The following CNTNAP2 variants were observed in gnomAD, a reference collection of about 807,000 sequenced individuals.
CNTNAP2 encodes contactin-associated protein-like 2.
Under a neutral mutation model 155.2 loss-of-function variants are expected in CNTNAP2, and 98 were observed. The observed-to-expected ratio is 0.63, with a 90% CI of 0.54 to 0.75. The LOEUF is 0.75. CNTNAP2 is among the 30% of genes least tolerant of loss of function. The pLI is 0.00. For synonymous variants in CNTNAP2, 651 were observed against 631.2 expected, an observed-to-expected ratio of 1.03 and a Z score of -0.47; for missense variants, 1,727 against 1,688.1, an observed-to-expected ratio of 1.02 and a Z score of -0.40.
At chr7:147,486,194 A>T (rs542084406) in intron 11 of CNTNAP2, among the ~76,000 whole-genome samples, 153 bp downstream of exon 11, 14 of 152,300 alleles carry the variant, frequency 9.2e-5, no homozygotes, top group Admixed American at 3.9e-4. Context: ...TCCAAAAAAA[A>T]AAAAATAAAA....
At chr7:146,933,996 G>C (rs1038662062) in intron 3 of CNTNAP2, among the ~76,000 whole-genome samples, 14 of 152,108 alleles carry the variant, frequency 9.2e-5, no homozygotes, top group Non-Finnish European at 1.8e-4. Context: ...GTGGGTGGGA[G>C]TGTAAACTAG....
At chr7:146,689,217 C>T (rs1005301232) in intron 1 of CNTNAP2, among the ~76,000 whole-genome samples, 1 of 151,928 alleles carries the variant, frequency 6.6e-6, no homozygotes, top group African/African-American at 2.4e-5. Context: ...TTTGGCTAAT[C>T]CTTAGTTTCT....
intron 3 of CNTNAP2, among the ~76,000 whole-genome samples, chr7:146,941,477 A>C (rs879708676): frequency 4.6e-5 from 7 of 152,138 alleles, no homozygotes; most frequent in Non-Finnish European, 8.8e-5. Context: ...TTACTAATTT[A>C]ATAGTTTTGT....
At chr7:146,658,806 C>T (rs573974001) in intron 1 of CNTNAP2, among the ~76,000 whole-genome samples, 13 of 152,256 alleles carry the variant, frequency 8.5e-5, no homozygotes, top group African/African-American at 2.9e-4. Context: ...GTAGTTCTTA[C>T]GTCAGGGTAC....
At chr7:146,983,791 T>G (rs1429883838) in intron 3 of CNTNAP2, among the ~76,000 whole-genome samples, 1 of 152,134 alleles carries the variant, frequency 6.6e-6, no homozygotes, top group Non-Finnish European at 1.5e-5. Flanking sequence ...TTTGTCACCA[T>G]CAGAAGGGCT....
chr7:146,553,819 C>A (rs1453536236), intron 1 of CNTNAP2, among the ~76,000 whole-genome samples: 1 of 152,040 alleles, frequency 6.6e-6, no homozygotes, highest in Non-Finnish European at 1.5e-5. Flanking sequence ...GCTCTTCTCA[C>A]TTCCATAATA....
chr7:147,640,172 A>C (rs1183029699), intron 13 of CNTNAP2, among the ~76,000 whole-genome samples: 3 of 152,142 alleles, frequency 2.0e-5, no homozygotes, highest in African/African-American at 7.2e-5. Context: ...TGATATATAT[A>C]TATATATAGT....
chr7:147,006,959 G>C (rs1798537405), intron 3 of CNTNAP2, among the ~76,000 whole-genome samples: 1 of 152,098 alleles, frequency 6.6e-6, no homozygotes, highest in African/African-American at 2.4e-5. Flanking sequence ...TGCATTGACT[G>C]ACACTGGGGA....
intron 15 of CNTNAP2, among the ~76,000 whole-genome samples, chr7:148,076,521 G>A (rs1167796610): frequency 4.4e-5 from 6 of 136,096 alleles, no homozygotes; most frequent in South Asian, 2.4e-4. Context: ...CTGCAGGCTC[G>A]ATCTCCCAGG....
At chr7:146,158,185 A>C (rs1404190929) in intron 1 of CNTNAP2, among the ~76,000 whole-genome samples, 3 of 152,240 alleles carry the variant, frequency 2.0e-5, no homozygotes, top group Non-Finnish European at 4.4e-5. Context: ...TGACTGTTAG[A>C]AAGAAAAGTA....
At chr7:147,592,313 T>G (rs762054247) in intron 12 of CNTNAP2, among the ~76,000 whole-genome samples, 1 of 152,164 alleles carries the variant, frequency 6.6e-6, no homozygotes, top group Non-Finnish European at 1.5e-5. Context: ...CAATATAGTT[T>G]AAAAATAAAC....
chr7:146,877,823 C>T (rs1403870036), intron 3 of CNTNAP2, among the ~76,000 whole-genome samples: 1 of 151,900 alleles, frequency 6.6e-6, no homozygotes, highest in Non-Finnish European at 1.5e-5. Flanking sequence ...ATAGGAGATT[C>T]TCAGTTCATT....
intron 9 of CNTNAP2, among the ~76,000 whole-genome samples, chr7:147,371,771 A>G (rs896951419): frequency 1.3e-5 from 2 of 152,162 alleles, no homozygotes; most frequent in African/African-American, 4.8e-5. Context: ...TTATGTGTAC[A>G]TGCACTATGT....
intron 1 of CNTNAP2, among the ~76,000 whole-genome samples, chr7:146,134,377 C>G (rs1429357286): frequency 6.9e-6 from 1 of 144,904 alleles, no homozygotes; most frequent in Non-Finnish European, 1.5e-5. Context: ...TTGACTTCCT[C>G]TTTTCCTAAT....
chr7:148,073,124 A>G (rs1194737557), intron 15 of CNTNAP2, among the ~76,000 whole-genome samples: 1 of 152,188 alleles, frequency 6.6e-6, no homozygotes, highest in Non-Finnish European at 1.5e-5. Context: ...TTGACAAATG[A>G]CCTTTGGGGA....
chr7:146,980,295 A>G (rs1248745734), intron 3 of CNTNAP2, among the ~76,000 whole-genome samples: 1 of 152,198 alleles, frequency 6.6e-6, no homozygotes, highest in Non-Finnish European at 1.5e-5. Context: ...TAATGCTATG[A>G]AAAAGCTAAT....
At chr7:147,760,554 T>C (rs182408340) in intron 13 of CNTNAP2, among the ~76,000 whole-genome samples, 6 of 152,334 alleles carry the variant, frequency 3.9e-5, no homozygotes, top group South Asian at 2.1e-4. Flanking sequence ...AGAACATTAA[T>C]AAATCATTGT....
chr7:147,849,622 A>G (rs1433949535), intron 13 of CNTNAP2, among the ~76,000 whole-genome samples: 1 of 152,200 alleles, frequency 6.6e-6, no homozygotes, highest in Non-Finnish European at 1.5e-5. Flanking sequence ...GAAACATGCA[A>G]AGAAACCTCT....
intron 11 of CNTNAP2, among the ~76,000 whole-genome samples, chr7:147,515,588 TG>T (rs1293804280): frequency 6.6e-6 from 1 of 152,140 alleles, no homozygotes; most frequent in Non-Finnish European, 1.5e-5. Flanking sequence ...CCCAAAGTGC[TG>T]GGATTACAGG....
Sources: allele counts gnomAD v4.1 joint callset (sites outside exome capture counted in the v4.1 genomes callset), GRCh38; gene constraint gnomAD v4.1.1; transcripts MANE v1.5; gene names NCBI Gene and HGNC (gene_info 2026-07-23, HGNC 2026-07-21).